Variants in SLC9C1 observed in about 807,000 individuals in gnomAD.
SLC9C1 encodes solute carrier family 9 member C1.
A neutral mutation model predicts 140.9 loss-of-function variants in SLC9C1; 97 were observed. The ratio of observed to expected loss-of-function variants is 0.69; its 90% CI spans 0.58 to 0.82. The LOEUF is 0.82. Among genes scored for constraint, SLC9C1 ranks in the 40% least tolerant of loss-of-function variants. The probability of loss-of-function intolerance (pLI) is 0.00; values close to 1 mark genes in which losing one functional copy is unlikely to be tolerated. For missense variants in SLC9C1, 1,340 were observed against 1,389.3 expected (o/e 0.96, Z 0.56); for synonymous variants, 440 against 442.6 (o/e 0.99, Z 0.07).
At chr3:112,248,001 G>T (rs371224006) in intron 10 of SLC9C1, among the ~76,000 whole-genome samples, 6 of 152,060 alleles carry the variant, frequency 3.9e-5, no homozygotes, top group African/African-American at 1.4e-4. Flanking sequence ...AAGAAGTAAT[G>T]GGAAGTGACT....
At position 112,262,914 on chromosome 3, in the gene SLC9C1, C is replaced by T; in HGVS notation, c.1197+10G>A. The T allele has an allele frequency of 6.4e-7, 1 of 1,553,202 alleles. No individual in the cohort carries two copies. The highest frequency in any genetic ancestry group is 8.6e-7 in the Non-Finnish European group (1 of 1,157,572). On this transcript the variant is annotated intron_variant, in intron 10 of 28. Transcript: ENST00000305815. ...ACAATATTCAGATAAGAAAATACAG[C>T]TTTCTTTACTTGAGATTTTTCTTTG...
chr3:112,208,512 G>A (rs894613827), intron 15 of SLC9C1, 139 bp from the exon 16 acceptor site: 10 of 475,108 alleles, frequency 2.1e-5, no homozygotes, highest in Middle Eastern at 5.8e-4. Flanking sequence ...TAGCTAACAC[G>A]TTCTGGCATC....
chr3:112,170,172 C>T (rs1192275176), intron 23 of SLC9C1, among the ~76,000 whole-genome samples: 1 of 152,028 alleles, frequency 6.6e-6, no homozygotes, highest in East Asian at 1.9e-4. Context: ...AGCTTCTGTA[C>T]CACAAAAATA....
At chr3:112,254,643 T>A (rs1460613790) in intron 10 of SLC9C1, among the ~76,000 whole-genome samples, 2 of 151,898 alleles carry the variant, frequency 1.3e-5, no homozygotes, top group African/African-American at 4.8e-5. Context: ...AAAACACACA[T>A]AAATACATAG....
intron 13 of SLC9C1, among the ~76,000 whole-genome samples, chr3:112,226,219 G>A (rs1316337151): frequency 6.6e-6 from 1 of 151,904 alleles, no homozygotes; most frequent in Non-Finnish European, 1.5e-5. Flanking sequence ...GAGTAAAACT[G>A]GAAATCAGTA....
chr3:112,229,994 T>C (rs2078778929), intron 13 of SLC9C1, among the ~76,000 whole-genome samples: 1 of 152,184 alleles, frequency 6.6e-6, no homozygotes, highest in African/African-American at 2.4e-5. Context: ...GTCTACCTCA[T>C]TTTTGACAGT....
In SLC9C1 at chr3:112,167,290, T is replaced by C; in HGVS notation, c.3295A>G (p.Lys1099Glu). ...TTTCTAATATTCCTTCTGAATGTTT[T>C]CATGTTAATCGGAGTTTGAATAATC... ...VVIIQTPINMKTFRRNIRKFV... is the reference protein window; with the variant it reads ...VVIIQTPINMETFRRNIRKFV... The change falls in exon 26 of 29, where the codon AAA (lysine) becomes GAA (glutamate). Residue 1099 changes from lysine to glutamate, a missense_variant. By Grantham distance (56) the Lys-to-Glu change is moderately conservative. Coordinates refer to ENST00000305815, the MANE Select transcript of SLC9C1 (RefSeq NM_183061.3). 6.2e-7 allele frequency: 1 copy of C among 1,609,108 alleles called. No individual in the cohort carries two copies. The highest frequency in any genetic ancestry group is 1.1e-5 in the South Asian group (1 of 90,404).
At chr3:112,186,439 C>G (rs1406029558) in intron 20 of SLC9C1, among the ~76,000 whole-genome samples, 1 of 151,472 alleles carries the variant, frequency 6.6e-6, no homozygotes, top group African/African-American at 2.4e-5. Flanking sequence ...AGAAAAAAAA[C>G]AAAAACAATT....
chr3:112,218,836 A>G (rs560961800), intron 14 of SLC9C1, among the ~76,000 whole-genome samples: 33 of 152,342 alleles, frequency 2.2e-4, no homozygotes, highest in Middle Eastern at 3.4e-3. Flanking sequence ...TGAGTAATTC[A>G]GGCTCTTGAA....
intron 15 of SLC9C1, among the ~76,000 whole-genome samples, chr3:112,213,553 A>C (rs2078268298): frequency 6.6e-6 from 1 of 152,200 alleles, no homozygotes; most frequent in South Asian, 2.1e-4. Context: ...CAGAGGTTGC[A>C]ATCCTAGTCT....
chr3:112,248,482 A>G (rs2079355808), intron 10 of SLC9C1, among the ~76,000 whole-genome samples: 2 of 152,180 alleles, frequency 1.3e-5, no homozygotes. Context: ...TTTTGTTACT[A>G]TGACATGTTT....
At chr3:112,193,353 T>C (rs1428418323) in intron 20 of SLC9C1, among the ~76,000 whole-genome samples, 1 of 152,110 alleles carries the variant, frequency 6.6e-6, no homozygotes, top group Non-Finnish European at 1.5e-5. Flanking sequence ...TTGGATGGGC[T>C]TTTTTTCTGG....
intron 12 of SLC9C1, among the ~76,000 whole-genome samples, chr3:112,235,759 G>A (rs2078967100): frequency 6.6e-6 from 1 of 152,138 alleles, no homozygotes; most frequent in Non-Finnish European, 1.5e-5. Flanking sequence ...CTGTTTATAT[G>A]CTGGATTACA....
chr3:112,163,599 TC>T (rs1226707748), intron 26 of SLC9C1, among the ~76,000 whole-genome samples: 7 of 152,036 alleles, frequency 4.6e-5, no homozygotes, highest in Non-Finnish European at 5.9e-5. Flanking sequence ...AGATTCTTAA[TC>T]CTGAGTTCTA....
chr3:112,218,646 G>A (rs1245589802), intron 14 of SLC9C1, among the ~76,000 whole-genome samples: 1 of 151,996 alleles, frequency 6.6e-6, no homozygotes, highest in Admixed American at 6.6e-5. Context: ...AGAAATACTG[G>A]TCTGCCCTCA....
At chr3:112,149,886 G>A (rs1338925722) in intron 28 of SLC9C1, among the ~76,000 whole-genome samples, 1 of 152,070 alleles carries the variant, frequency 6.6e-6, no homozygotes, top group Non-Finnish European at 1.5e-5. Context: ...CCACATACCT[G>A]CATTTCTACC....
At chr3:112,217,358 A>T (rs532149419) in intron 15 of SLC9C1, 84 bp downstream of exon 15, 2 of 1,471,172 alleles carry the variant, frequency 1.4e-6, no homozygotes, top group Admixed American at 2.4e-5. Flanking sequence ...AATAACAAAA[A>T]ATTCAAGATA....
intron 7 of SLC9C1, among the ~76,000 whole-genome samples, chr3:112,269,228 G>A (rs1033996930): frequency 3.3e-5 from 5 of 152,084 alleles, no homozygotes; most frequent in African/African-American, 1.2e-4. Flanking sequence ...TCCCGCCTCA[G>A]GCTCCTGAGG....
Position 112,274,931 on chromosome 3 carries a change from G to A in SLC9C1, c.579C>T (p.Asp193=). The A allele has an allele frequency of 6.4e-7, 1 of 1,564,058 alleles. No individual in the cohort carries two copies. The highest frequency in any genetic ancestry group is 8.6e-7 in the Non-Finnish European group (1 of 1,164,244). Residue 193 remains aspartate, a synonymous_variant, in exon 6 of 29, where the codon GAC becomes GAT. Transcript: ENST00000305815. ...GGTTTCTTTTACTTTGTAGTCTTTG[G>A]TCAAAATCCATAATACTAGTAAATG... ...LITFTSIMDF[D]QRLQSKRNHT...
Sources: allele counts gnomAD v4.1 joint callset (sites outside exome capture counted in the v4.1 genomes callset), GRCh38; gene constraint gnomAD v4.1.1; transcripts MANE v1.5; gene names NCBI Gene and HGNC (gene_info 2026-07-23, HGNC 2026-07-21).